PCDHGB6: variants seen among roughly 807,000 people sequenced by gnomAD.
The protein encoded by PCDHGB6 is protocadherin gamma subfamily B, 6, also known as protocadherin gamma-B6.
In PCDHGB6, 51 loss-of-function variants were observed where a neutral mutation model predicts 59.1. The ratio of observed to expected loss-of-function variants is 0.86; its 90% confidence interval spans 0.69 to 1.09. The LOEUF (loss-of-function observed/expected upper bound fraction) is 1.09. Ranked by LOEUF, PCDHGB6 falls within the 50% of genes least tolerant of loss-of-function variation. The pLI, the probability that PCDHGB6 is intolerant of heterozygous loss-of-function variation, is 0.00. For missense variants in PCDHGB6, 1,148 were observed against 1,205.1 expected, an observed-to-expected ratio of 0.95 and a Z score of 0.70; for synonymous variants, 466 against 495.1, an observed-to-expected ratio of 0.94 and a Z score of 0.78.
Position 141,477,771 on chromosome 5 carries a change from G to A in PCDHGB6, c.2419-17036G>A. 1 of 1,613,992 alleles carries A rather than the reference G, an allele frequency of 6.2e-7. No homozygotes were observed. The highest frequency in any genetic ancestry group is 1.3e-5 in the African/African-American group (1 of 75,054). ...ACCCCGGTCCTAGCCACCAACATCA[G>A]CGTGAACATATTTGTCACTGATCGC... On this transcript the variant is annotated intron_variant, in intron 1 of 3. Transcript: ENST00000520790. This position sits in a 1 kb window ranked among gnomAD's most constrained non-coding sequence, Gnocchi z 4.9.
Position 141,409,995 on chromosome 5 carries a change from C to A in PCDHGB6, c.1793C>A (p.Ser598Ter), listed in dbSNP as rs777416137. ...VTKVVAVDAD[S>*]GHNAWLSYHV... ...AAGGTGGTAGCGGTGGACGCCGACT[C>A]GGGACACAACGCCTGGCTGTCCTAC... Residue 598 changes from serine (S) to a stop codon, truncating the protein, a stop_gained, in exon 1 of 4, where the codon TCG becomes TAG. Transcript: ENST00000520790. LOFTEE classifies it high-confidence loss of function. 2 of 1,613,308 alleles carry A rather than the reference C, an allele frequency of 1.2e-6. No homozygotes were observed. Among genetic ancestry groups the A allele is most frequent in the Admixed American group, 3.3e-5 (2 of 60,028 alleles).
chr5:141,463,438 CTTTTTTTT>C (rs71576115), intron 1 of PCDHGB6, among the ~76,000 whole-genome samples: 7 of 103,252 alleles, frequency 6.8e-5, no homozygotes, highest in East Asian at 2.4e-4. Flanking sequence ...TTTCCTTCTC[CTTTTTTTT>C]TTTTTTTTTT....
At chr5:141,454,789 G>T (rs1368681394) in intron 1 of PCDHGB6, among the ~76,000 whole-genome samples, 1 of 129,576 alleles carries the variant, frequency 7.7e-6, no homozygotes, top group African/African-American at 3.1e-5. Flanking sequence ...AATCCTCCAT[G>T]GTTCTAATTT....
At chr5:141,463,741 C>T (rs1011021860) in intron 1 of PCDHGB6, among the ~76,000 whole-genome samples, 3 of 152,034 alleles carry the variant, frequency 2.0e-5, no homozygotes, top group Admixed American at 1.3e-4. Context: ...CCACCGCGCC[C>T]GGCCTGCTTC....
intron 1 of PCDHGB6, among the ~76,000 whole-genome samples, chr5:141,453,288 ATTATTTAT>A (rs577328880): frequency 6.6e-6 from 1 of 151,342 alleles, no homozygotes; most frequent in Non-Finnish European, 1.5e-5. Context: ...TAATTTTTTA[ATTATTTAT>A]TTATTTATTT....
At position 141,489,076 on chromosome 5, in the gene PCDHGB6, C is replaced by T. The variant is rs536134432; in HGVS notation, c.2419-5731C>T. The T allele has an allele frequency of 6.1e-6, 2 of 326,424 alleles. No individual in the cohort carries two copies. Among genetic ancestry groups the T allele is most frequent in the East Asian group, 5.8e-5 (1 of 17,220 alleles). 20.2% of individuals were successfully genotyped at this position (326,424 alleles called of 1,614,324 possible). On this transcript the variant is annotated intron_variant, in intron 1 of 3. Coordinates refer to ENST00000520790, the MANE Select transcript of PCDHGB6 (RefSeq NM_018926.3). The surrounding 1 kb of genome is among the most constrained non-coding windows in gnomAD (Gnocchi z 4.5). The stretch of plus-strand genomic sequence containing the variant: ...CAGCTCCCCTCCCCCCTGCCCACCC[C>T]CGCCACTCGGTGACTAAGAACTGCT...
chr5:141,490,584 T>G lies in PCDHGB6; in HGVS notation c.2419-4223T>G, dbSNP rs751060540. 1 of 1,614,170 alleles carries G rather than the reference T, an allele frequency of 6.2e-7. No individual in the cohort carries two copies. Among genetic ancestry groups the G allele is most frequent in the South Asian group, 1.1e-5 (1 of 91,080 alleles). ...TCAGGCTCAACATTTCAGATGTCAA[T>G]GACAATGCACCCCGCTTCAACCAGC... On this transcript the variant is annotated intron_variant, in intron 1 of 3. Transcript: ENST00000520790. This position sits in a 1 kb window ranked among gnomAD's most constrained non-coding sequence, Gnocchi z 5.4.
Position 141,503,010 on chromosome 5 carries a change from AT to A in PCDHGB6, c.2478-2371del, listed in dbSNP as rs199924715. ...AGGCGTGTGCCACCATGCCCGGTTA[AT>A]TTTTTTTTTTTAATATCTATTTTAG... On this transcript the variant is annotated intron_variant, in intron 2 of 3. Coordinates refer to ENST00000520790, the MANE Select transcript of PCDHGB6 (RefSeq NM_018926.3). Among the ~76,000 whole-genome samples the A allele has an allele frequency of 6.8e-3, 997 of 146,562 alleles. 9 individuals are homozygous for A. The highest frequency in any genetic ancestry group is 0.023 in the African/African-American group (916 of 39,838).
At chr5:141,418,499 G>A (rs775606988) in intron 1 of PCDHGB6, 1 of 1,613,962 alleles carries the variant, frequency 6.2e-7, no homozygotes, top group Non-Finnish European at 8.5e-7. Context: ...GGTACTGACC[G>A]CCTTAGATGG....
At chr5:141,484,359 T>A (rs1218120598) in intron 1 of PCDHGB6, among the ~76,000 whole-genome samples, 1 of 152,222 alleles carries the variant, frequency 6.6e-6, no homozygotes, top group Non-Finnish European at 1.5e-5. Context: ...GTGTATCTAG[T>A]GTATCACTAG....
At chr5:141,428,635 G>A (rs1411119011) in intron 1 of PCDHGB6, 1 of 180,288 alleles carries the variant, frequency 5.5e-6, no homozygotes, top group Non-Finnish European at 1.2e-5. Context: ...TAACTCTGTT[G>A]CTCCTACTCA....
At position 141,432,395 on chromosome 5, in the gene PCDHGB6, G is replaced by T. The variant is rs748660079; in HGVS notation, c.2418+21775G>T. On this transcript the variant is annotated intron_variant, in intron 1 of 3. Coordinates refer to ENST00000520790, the MANE Select transcript of PCDHGB6 (RefSeq NM_018926.3). This position sits in a 1 kb window ranked among gnomAD's most constrained non-coding sequence, Gnocchi z 6.0. ...CGGGCACCCGCCCCTCAGCAGCAAC[G>T]TGTCGTTGAGCCTGTTCGTGCTGGA... 5 of 1,614,242 alleles carry T rather than the reference G, an allele frequency of 3.1e-6. No individual in the cohort carries two copies. In the East Asian group the frequency reaches 8.9e-5, roughly 29 times the overall value.
chr5:141,465,858 C>T (rs2099110865), intron 1 of PCDHGB6, among the ~76,000 whole-genome samples: 1 of 152,034 alleles, frequency 6.6e-6, no homozygotes, highest in African/African-American at 2.4e-5. Context: ...CCCAGTGGCT[C>T]ATGCCTGTAA....
chr5:141,506,444 CAAAAAAAAAAAAA>C (rs1219684339), intron 3 of PCDHGB6, among the ~76,000 whole-genome samples: 1 of 95,030 alleles, frequency 1.1e-5, no homozygotes, highest in Non-Finnish European at 2.2e-5. Context: ...CGCTCTGTCT[CAAAAAAAAAAAAA>C]AAAAAAAAGA....
chr5:141,436,962 C>A (rs1462988296), intron 1 of PCDHGB6, among the ~76,000 whole-genome samples: 1 of 152,144 alleles, frequency 6.6e-6, no homozygotes, highest in Non-Finnish European at 1.5e-5. Context: ...AAACAAGGAT[C>A]TTGTGAAACT....
At chr5:141,458,319 T>C (rs2879229) in intron 1 of PCDHGB6, among the ~76,000 whole-genome samples, 84,591 of 151,864 alleles carry the variant, frequency 0.56, 26,265 homozygotes, top group African/African-American at 0.85. Flanking sequence ...CACAGACACA[T>C]GTGGAGTGGT....
intron 1 of PCDHGB6, chr5:141,478,679 C>T (rs1247027395): frequency 3.2e-6 from 5 of 1,551,382 alleles, no homozygotes; most frequent in East Asian, 2.4e-5. Flanking sequence ...TCAACTGGCC[C>T]TTCCTAGATC....
At position 141,413,207 on chromosome 5, in the gene PCDHGB6, C is replaced by T. The variant is rs563279284; in HGVS notation, c.2418+2587C>T. The T allele has an allele frequency of 4.7e-5, 76 of 1,612,874 alleles. 2 individuals carry two copies. The South Asian group carries it at 7.6e-4, about 16-fold the overall frequency. ...GCTCAAAGGAATCGCTCAAAGGAAT[C>T]AAAGGATTGCAGCGGGCTGGTCCTG... On this transcript the variant is annotated intron_variant, in intron 1 of 3. Coordinates refer to ENST00000520790, the MANE Select transcript of PCDHGB6 (RefSeq NM_018926.3).
rs373297942 is a variant in PCDHGB6 at position 141,431,494 on chromosome 5, C to G, written c.2418+20874C>G. ...ACAACGCACCAGCGTTTGCTCAGCCCGAGTACCGCGCGAGCGTTCCGGAGA... is the reference window on the plus strand; with the variant it reads ...ACAACGCACCAGCGTTTGCTCAGCCGGAGTACCGCGCGAGCGTTCCGGAGA... On this transcript the variant is annotated intron_variant, in intron 1 of 3. Transcript: ENST00000520790. This position sits in a 1 kb window ranked among gnomAD's most constrained non-coding sequence, Gnocchi z 4.8. 16 of 1,613,838 alleles carry G rather than the reference C, an allele frequency of 9.9e-6. No individual in the cohort carries two copies. The highest frequency in any genetic ancestry group is 1.4e-5 in the Non-Finnish European group (16 of 1,180,030).
Sources: allele counts gnomAD v4.1 joint callset (sites outside exome capture counted in the v4.1 genomes callset), GRCh38; gene constraint gnomAD v4.1.1; non-coding constraint Gnocchi (gnomAD v3.1); transcripts MANE v1.5; gene names NCBI Gene and HGNC (gene_info 2026-07-23, HGNC 2026-07-21).